RASSF6: variants seen among roughly 807,000 people sequenced by gnomAD.
RASSF6 encodes ras association domain-containing protein 6.
RASSF6 carries 52 observed loss-of-function variants against 44.0 expected under a neutral mutation model. The ratio of observed to expected loss-of-function variants is 1.18; its 90% CI spans 0.95 to 1.49. The LOEUF is 1.49. Among genes scored for constraint, RASSF6 ranks in the 40% most tolerant of loss-of-function variants. The probability of loss-of-function intolerance (pLI) is 0.00; values close to 1 mark genes in which losing one functional copy is unlikely to be tolerated. For missense variants in RASSF6, 464 were observed against 393.3 expected (o/e 1.18, Z -1.52); for synonymous variants, 162 against 124.6 (o/e 1.30, Z -2.00).
At chr4:73,595,968 G>A (rs1724913486) in intron 3 of RASSF6, among the ~76,000 whole-genome samples, 1 of 152,102 alleles carries the variant, frequency 6.6e-6, no homozygotes, top group African/African-American at 2.4e-5. Flanking sequence ...ATCAGGAGTA[G>A]AAAATTCTAA....
At chr4:73,605,780 T>C (rs1725579220) in intron 2 of RASSF6, among the ~76,000 whole-genome samples, 1 of 152,180 alleles carries the variant, frequency 6.6e-6, no homozygotes, top group African/African-American at 2.4e-5. Context: ...CTCGCCAACA[T>C]ATGTTATTTT....
chr4:73,614,421 A>G (rs942113126), intron 1 of RASSF6, among the ~76,000 whole-genome samples: 1 of 152,162 alleles, frequency 6.6e-6, no homozygotes. Flanking sequence ...GTGCCCTTAT[A>G]AAAGAGACCC....
intron 6 of RASSF6, among the ~76,000 whole-genome samples, chr4:73,582,681 C>T (rs1215233119): frequency 6.6e-6 from 1 of 152,006 alleles, no homozygotes; most frequent in Non-Finnish European, 1.5e-5. Context: ...TCCAAGTATT[C>T]CAAGGCTCTG....
Sources: allele counts gnomAD v4.1 joint callset (sites outside exome capture counted in the v4.1 genomes callset), GRCh38; gene constraint gnomAD v4.1.1; transcripts MANE v1.5; gene names NCBI Gene and HGNC (gene_info 2026-07-23, HGNC 2026-07-21).